The following DPH6 variants were observed in gnomAD, a reference collection of about 807,000 sequenced individuals.
The protein encoded by DPH6 is diphthamine biosynthesis 6, also known as diphthine--ammonia ligase.
DPH6 carries 33 observed loss-of-function variants against 38.2 expected under a neutral mutation model. That is an observed-to-expected ratio of 0.86 (90% confidence interval 0.65 to 1.15). The LOEUF is 1.15. Ranked by LOEUF, DPH6 falls within the 50% of genes most tolerant of loss-of-function variation. The pLI, the probability that DPH6 is intolerant of heterozygous loss-of-function variation, is 0.00. For synonymous variants in DPH6, 108 were observed against 103.0 expected, an observed-to-expected ratio of 1.05 and a Z score of -0.30; for missense variants, 325 against 320.0, an observed-to-expected ratio of 1.02 and a Z score of -0.12.
chr15:35,396,533 A>G (rs1314840781), intron 6 of DPH6: 4 of 152,138 alleles, frequency 2.6e-5, no homozygotes, highest in Non-Finnish European at 4.4e-5. Flanking sequence ...CCAGTCAAAA[A>G]TCCTATCTAT....
chr15:35,308,538 A>G (rs1351807266), intron 3 of DPH6, among the ~76,000 whole-genome samples: 1 of 152,182 alleles, frequency 6.6e-6, no homozygotes, highest in Non-Finnish European at 1.5e-5. Context: ...TCTTAATTTA[A>G]GTGCCTGGTG....
At chr15:35,262,808 T>C (rs2051758134) in intron 3 of DPH6, among the ~76,000 whole-genome samples, 2 of 151,794 alleles carry the variant, frequency 1.3e-5, no homozygotes, top group African/African-American at 2.4e-5. Context: ...TCTTTATTTC[T>C]TGCCAGACTC....
intron 3 of DPH6, among the ~76,000 whole-genome samples, chr15:35,340,671 G>A (rs779639671): frequency 2.0e-5 from 3 of 152,114 alleles, no homozygotes; most frequent in Non-Finnish European, 4.4e-5. Flanking sequence ...TTCTGGGTTG[G>A]AAATTCTTTT....
At chr15:35,358,369 T>C (rs2052585919) in intron 3 of DPH6, among the ~76,000 whole-genome samples, 1 of 152,224 alleles carries the variant, frequency 6.6e-6, no homozygotes, top group South Asian at 2.1e-4. Context: ...ACCTCCTGAA[T>C]TCTTTTTCAG....
At chr15:35,353,264 G>A (rs2052531181) in intron 3 of DPH6, among the ~76,000 whole-genome samples, 1 of 152,152 alleles carries the variant, frequency 6.6e-6, no homozygotes, top group Non-Finnish European at 1.5e-5. Flanking sequence ...CTTTTGCTGT[G>A]CAGAAGCTCT....
the DPH6 span, among the ~76,000 whole-genome samples, chr15:35,201,711 T>C: frequency 2.0e-5 from 3 of 151,936 alleles, no homozygotes; most frequent in South Asian, 6.2e-4. Context: ...ATTGAGATTA[T>C]TACCACAAAT....
chr15:35,505,909 G>T (rs993438247), intron 3 of DPH6, among the ~76,000 whole-genome samples: 3 of 152,072 alleles, frequency 2.0e-5, no homozygotes, highest in Non-Finnish European at 4.4e-5. Context: ...TAAGCAGAGA[G>T]ATTTAATGAC....
At position 35,546,106 on chromosome 15, in the gene DPH6, A is replaced by G. The variant is rs1396590844; in HGVS notation, c.23+13T>C. On this transcript the variant is annotated intron_variant, in intron 1 of 8. Coordinates refer to ENST00000256538, the MANE Select transcript of DPH6 (RefSeq NM_080650.4). Reference sequence around the variant, plus strand: ...GGCCTAGGAGGAAGGAGGCGGCTCCAGGACCGCATTACCTGATCAGAGCCG... The same window carrying G: ...GGCCTAGGAGGAAGGAGGCGGCTCCGGGACCGCATTACCTGATCAGAGCCG... 9 of 1,399,820 alleles carry G rather than the reference A, an allele frequency of 6.4e-6. No individual in the cohort carries two copies. The highest frequency in any genetic ancestry group is 7.5e-6 in the Non-Finnish European group (8 of 1,062,438). The allele number at this position is 1,399,820 out of a possible 1,614,324, so 86.7% of individuals were successfully genotyped here. A position where few individuals can be genotyped will look rare whatever the true frequency, so the allele number is the denominator to read the frequency against.
intron 3 of DPH6, among the ~76,000 whole-genome samples, chr15:35,306,546 C>T (rs985270260): frequency 6.6e-6 from 1 of 152,210 alleles, no homozygotes; most frequent in African/African-American, 2.4e-5. Context: ...AGACCTCTAT[C>T]AACCTCAGGG....
intron 3 of DPH6, among the ~76,000 whole-genome samples, chr15:35,357,415 T>C (rs989644277): frequency 2.0e-5 from 3 of 152,238 alleles, no homozygotes; most frequent in Admixed American, 1.3e-4. Context: ...TATTTGGCCA[T>C]CTTGGCTCCC....
At chr15:35,388,236 C>T (rs1286414682) in intron 6 of DPH6, among the ~76,000 whole-genome samples, 15 of 152,124 alleles carry the variant, frequency 9.9e-5, no homozygotes, top group Admixed American at 3.3e-4. Flanking sequence ...CTGCTGGATT[C>T]GGTTTGCCAG....
At chr15:35,368,434 A>G (rs1171457789), downstream of DPH6, among the ~76,000 whole-genome samples, 1 of 151,906 alleles carries the variant, frequency 6.6e-6, no homozygotes, top group African/African-American at 2.4e-5. Flanking sequence ...CACTTAGAAA[A>G]TAATGAAGTA....
chr15:35,325,531 A>T (rs561830940), intron 3 of DPH6, among the ~76,000 whole-genome samples: 3 of 152,196 alleles, frequency 2.0e-5, no homozygotes, highest in Admixed American at 1.3e-4. Flanking sequence ...TGCGGAAAAC[A>T]TAAAAGCTAA....
At chr15:35,297,924 C>T (rs577255709) in intron 3 of DPH6, among the ~76,000 whole-genome samples, 60 of 152,270 alleles carry the variant, frequency 3.9e-4, no homozygotes, top group African/African-American at 1.2e-3. Context: ...TTAATTTCTA[C>T]CCTTCCATCA....
intron 3 of DPH6, among the ~76,000 whole-genome samples, chr15:35,277,003 G>A (rs1019769528): frequency 6.6e-6 from 1 of 152,066 alleles, no homozygotes; most frequent in African/African-American, 2.4e-5. Flanking sequence ...CACTGAATTT[G>A]TAGATTGCTT....
At chr15:35,322,021 C>T (rs926161855) in intron 3 of DPH6, among the ~76,000 whole-genome samples, 2 of 152,094 alleles carry the variant, frequency 1.3e-5, no homozygotes, top group Non-Finnish European at 2.9e-5. Context: ...GAAGAAATCA[C>T]AAGGGTGTAG....
At chr15:35,473,588 T>C (rs757570713) in intron 3 of DPH6, among the ~76,000 whole-genome samples, 4 of 152,142 alleles carry the variant, frequency 2.6e-5, no homozygotes, top group South Asian at 2.1e-4. Flanking sequence ...TTGGTACGCA[T>C]ATACCAATAT....
rs540310396 is a variant in DPH6, at chr15:35,496,994, T to C, written c.312+41280A>G. ...AACCTCTTACACTGAAGCCCCTCTT[T>C]AAGAAAGGCTTTCCTAAACTTTAAT... On this transcript the variant is annotated intron_variant, in intron 3 of 8. Coordinates refer to ENST00000256538, the MANE Select transcript of DPH6 (RefSeq NM_080650.4). 9.2e-5 allele frequency among the ~76,000 whole-genome samples: 14 copies of C among 152,236 alleles called. 1 individual carries two copies. The highest frequency in any genetic ancestry group is 7.8e-4 in the East Asian group (4 of 5,148).
At chr15:35,394,606 G>A (rs2053105874) in intron 6 of DPH6, among the ~76,000 whole-genome samples, 1 of 152,174 alleles carries the variant, frequency 6.6e-6, no homozygotes. Flanking sequence ...AAAAGCACTG[G>A]CTTTGGAGAC....
Sources: gnomAD v4.1 joint callset for allele counts (sites outside exome capture counted in the v4.1 genomes callset) on GRCh38, gnomAD v4.1.1 for gene constraint, MANE v1.5 for transcripts, NCBI Gene and HGNC (gene_info 2026-07-23, HGNC 2026-07-21) for gene names.